Variants in C12orf42 observed in about 807,000 individuals in gnomAD.
The protein encoded by C12orf42 is uncharacterized protein C12orf42.
In C12orf42, 25 loss-of-function variants were observed where a neutral mutation model predicts 21.6. That is an observed-to-expected ratio of 1.16 (90% CI 0.84 to 1.62). The LOEUF is 1.62. Ranked by LOEUF, C12orf42 falls within the 40% of genes most tolerant of loss-of-function variation. The probability of loss-of-function intolerance (pLI) is 0.00; values close to 1 mark genes in which losing one functional copy is unlikely to be tolerated. For missense variants in C12orf42, 483 were observed against 459.3 expected (o/e 1.05, Z -0.47); for synonymous variants, 174 against 175.0 (o/e 0.99, Z 0.05).
intron 3 of C12orf42, among the ~76,000 whole-genome samples, chr12:103,385,872 C>A (rs1262308424): frequency 6.6e-6 from 1 of 152,066 alleles, no homozygotes; most frequent in African/African-American, 2.4e-5. Flanking sequence ...ATAAAGAGAA[C>A]CTCAAAGGAA....
intron 1 of C12orf42, among the ~76,000 whole-genome samples, chr12:103,479,509 G>A (rs902048316): frequency 6.6e-6 from 1 of 152,024 alleles, no homozygotes; most frequent in African/African-American, 2.4e-5. Flanking sequence ...GATATGCTTG[G>A]TTGTTCCTGA....
chr12:103,461,290 C>T (rs1952680962), intron 2 of C12orf42, among the ~76,000 whole-genome samples: 1 of 152,190 alleles, frequency 6.6e-6, no homozygotes, highest in African/African-American at 2.4e-5. Context: ...AGAGCTCCCT[C>T]TTACTTTTGA....
At chr12:103,372,344 C>T (rs144083442) in intron 3 of C12orf42, among the ~76,000 whole-genome samples, 3 of 152,298 alleles carry the variant, frequency 2.0e-5, no homozygotes, top group Admixed American at 1.3e-4. Flanking sequence ...CTGCATCATG[C>T]ATAAAAATCA....
the C12orf42 span, among the ~76,000 whole-genome samples, chr12:103,190,005 G>C: frequency 6.6e-6 from 1 of 151,946 alleles, no homozygotes; most frequent in African/African-American, 2.4e-5. Flanking sequence ...ACACAGAGGA[G>C]AGGGAGAGTT....
At chr12:103,179,343 T>A in the C12orf42 span, among the ~76,000 whole-genome samples, 1 of 152,166 alleles carries the variant, frequency 6.6e-6, no homozygotes, top group African/African-American at 2.4e-5. Flanking sequence ...GGAAGGAGAC[T>A]TTTAGCATAA....
chr12:103,521,131 G>A, the C12orf42 span, among the ~76,000 whole-genome samples: 5 of 152,240 alleles, frequency 3.3e-5, no homozygotes, highest in Admixed American at 2.0e-4. Context: ...GTATGGCACT[G>A]TGGAAATAAT....
intron 2 of C12orf42, among the ~76,000 whole-genome samples, chr12:103,462,124 T>TTTTTTTTTTTTTTTTTTTTTTA: frequency 7.6e-6 from 1 of 131,314 alleles, no homozygotes; most frequent in African/African-American, 2.9e-5. Context: ...TTTTTTTTTT[T>TTTTTTTTTTTTTTTTTTTTTTA]GAGACAGAGT....
chr12:103,211,037 C>G, the C12orf42 span, among the ~76,000 whole-genome samples: 1 of 152,092 alleles, frequency 6.6e-6, no homozygotes, highest in East Asian at 1.9e-4. Context: ...ATTGATTGTT[C>G]TTTAGTCTCA....
intron 4 of C12orf42, among the ~76,000 whole-genome samples, chr12:103,363,825 G>A (rs759468541): frequency 4.6e-5 from 7 of 151,998 alleles, no homozygotes; most frequent in Non-Finnish European, 8.8e-5. Context: ...ACCTGACACT[G>A]GAGCTCCCAA....
chr12:103,103,435 G>C, the C12orf42 span, among the ~76,000 whole-genome samples: 1 of 152,172 alleles, frequency 6.6e-6, no homozygotes, highest in African/African-American at 2.4e-5. Flanking sequence ...AAGGACACAG[G>C]GAAAAGGATC....
At chr12:103,417,854 G>A (rs1478003859) in intron 2 of C12orf42, among the ~76,000 whole-genome samples, 1 of 152,168 alleles carries the variant, frequency 6.6e-6, no homozygotes, top group Admixed American at 6.5e-5. Context: ...ATGTATGCAG[G>A]AGTCAATGGT....
intron 4 of C12orf42, among the ~76,000 whole-genome samples, chr12:103,323,478 C>CAT (rs1013765638): frequency 6.0e-5 from 9 of 150,548 alleles, no homozygotes; most frequent in African/African-American, 1.7e-4. Flanking sequence ...ACAGTCAATT[C>CAT]ATCCAAAAAA....
chr12:103,217,043 G>C, the C12orf42 span, among the ~76,000 whole-genome samples: 51,407 of 151,772 alleles, frequency 0.34, 9,397 homozygotes, highest in South Asian at 0.42. Context: ...GGGTTTCACC[G>C]TGTTGGCGAG....
intron 4 of C12orf42, among the ~76,000 whole-genome samples, chr12:103,362,513 T>A (rs2044208271): frequency 1.3e-5 from 2 of 151,638 alleles, no homozygotes; most frequent in South Asian, 4.2e-4. Flanking sequence ...AAAAAACAAA[T>A]CCCTTATTTA....
chr12:103,167,934 G>T, the C12orf42 span: 1 of 403,574 alleles, frequency 2.5e-6, no homozygotes, highest in Admixed American at 2.6e-5. Context: ...GTGTGTGTGT[G>T]TATACTGCAA....
chr12:103,549,603 G>A, the C12orf42 span: 1 of 152,082 alleles, frequency 6.6e-6, no homozygotes, highest in Non-Finnish European at 1.5e-5. Flanking sequence ...GGGAGGTAAG[G>A]GAAGAAGAAT....
the C12orf42 span, among the ~76,000 whole-genome samples, chr12:103,171,224 C>T: frequency 6.6e-6 from 1 of 152,140 alleles, no homozygotes; most frequent in Non-Finnish European, 1.5e-5. Flanking sequence ...CACAATCTTT[C>T]ATTATATCAC....
chr12:103,302,686 A>G (rs866108817), intron 5 of C12orf42, 127 bp from the exon 6 acceptor site: 3 of 748,092 alleles, frequency 4.0e-6, no homozygotes, highest in African/African-American at 1.8e-5. Context: ...GAAAGAAAAA[A>G]AAAAAAAAAC....
the C12orf42 span, among the ~76,000 whole-genome samples, chr12:103,509,477 T>C: frequency 6.6e-6 from 1 of 152,068 alleles, no homozygotes; most frequent in Non-Finnish European, 1.5e-5. Flanking sequence ...CTTCCTCGGG[T>C]AAAATACAGA....
Sources: allele counts gnomAD v4.1 joint callset (sites outside exome capture counted in the v4.1 genomes callset), GRCh38; gene constraint gnomAD v4.1.1; transcripts MANE v1.5; gene names NCBI Gene and HGNC (gene_info 2026-07-23, HGNC 2026-07-21).